KSR2: variants seen among roughly 807,000 people sequenced by gnomAD.
KSR2 encodes kinase suppressor of ras 2.
In KSR2, 25 loss-of-function variants were observed where a neutral mutation model predicts 107.8. That is an observed-to-expected ratio of 0.23 (90% CI 0.17 to 0.32). The LOEUF (loss-of-function observed/expected upper bound fraction) is 0.32, where lower values mean the gene tolerates loss of function less well. Ranked by LOEUF, KSR2 falls within the 10% of genes least tolerant of loss-of-function variation. The pLI is 1.00. For synonymous variants in KSR2, 480 were observed against 507.0 expected (o/e 0.95, Z 0.71); for missense variants, 887 against 1,268.9 (o/e 0.70, Z 4.57).
chr12:117,558,588 G>C lies in KSR2; in HGVS notation c.1326-15C>G. Reference sequence around the variant, plus strand: ...GGCACTTTAACCTGAGAAAGATAAAGAGAGAGAAAGATGGATAGGTGAATG... The same window carrying C: ...GGCACTTTAACCTGAGAAAGATAAACAGAGAGAAAGATGGATAGGTGAATG... On this transcript the variant is annotated splice_polypyrimidine_tract_variant and intron_variant, in intron 7 of 19. Coordinates refer to ENST00000339824, the MANE Select transcript of KSR2 (RefSeq NM_173598.6). 2 of 1,608,962 alleles carry C rather than the reference G, an allele frequency of 1.2e-6. No individual in the cohort carries two copies. Among genetic ancestry groups the C allele is most frequent in the Non-Finnish European group, 1.7e-6 (2 of 1,175,358 alleles).
At chr12:117,894,635 T>A (rs996524441) in intron 1 of KSR2, among the ~76,000 whole-genome samples, 1 of 151,994 alleles carries the variant, frequency 6.6e-6, no homozygotes, top group Non-Finnish European at 1.5e-5. Flanking sequence ...GGGAGCAGAC[T>A]TCCCCCTAGC....
intron 3 of KSR2, among the ~76,000 whole-genome samples, chr12:117,834,964 G>A (rs539611801): frequency 4.6e-5 from 7 of 152,320 alleles, no homozygotes; most frequent in African/African-American, 1.7e-4. Flanking sequence ...AAACCAGAGA[G>A]CCGTCTTCGA....
intron 3 of KSR2, among the ~76,000 whole-genome samples, chr12:117,840,740 C>T (rs948599632): frequency 8.5e-5 from 13 of 152,148 alleles, no homozygotes; most frequent in South Asian, 4.2e-4. Context: ...TGGTGGCTTA[C>T]GCCTATAATC....
At chr12:117,760,980 C>A (rs755653516) in intron 4 of KSR2, 31 bp downstream of exon 4, 1 of 1,611,632 alleles carries the variant, frequency 6.2e-7, no homozygotes, top group South Asian at 1.1e-5. Context: ...CGGGTTTCGA[C>A]CGCCCCAGGG....
At chr12:117,959,826 GA>G (rs1197386418) in intron 1 of KSR2, among the ~76,000 whole-genome samples, 1 of 151,958 alleles carries the variant, frequency 6.6e-6, no homozygotes, top group Non-Finnish European at 1.5e-5. Context: ...CGCTACTTGG[GA>G]GGCTGAAGTG....
intron 14 of KSR2, among the ~76,000 whole-genome samples, chr12:117,512,139 A>G (rs1874060371): frequency 6.6e-6 from 1 of 152,202 alleles, no homozygotes; most frequent in Admixed American, 6.5e-5. Flanking sequence ...TGAATAAAGG[A>G]AGTCTGCATG....
intron 6 of KSR2, among the ~76,000 whole-genome samples, 197 bp from the exon 7 acceptor site, chr12:117,579,399 TA>T (rs1879503964): frequency 6.6e-6 from 1 of 152,150 alleles, no homozygotes; most frequent in Non-Finnish European, 1.5e-5. Context: ...ATAATAACAG[TA>T]TTGACCTCAT....
At chr12:117,567,011 C>T (rs531878122) in intron 7 of KSR2, among the ~76,000 whole-genome samples, 2 of 151,378 alleles carry the variant, frequency 1.3e-5, no homozygotes, top group Non-Finnish European at 3.0e-5. Flanking sequence ...ATTTACTGAG[C>T]ATTTACCATG....
chr12:117,895,211 T>C (rs946881026), intron 1 of KSR2, among the ~76,000 whole-genome samples: 1 of 152,096 alleles, frequency 6.6e-6, no homozygotes, highest in East Asian at 1.9e-4. Context: ...CACTCCAGGT[T>C]GGGTGACAGC....
chr12:117,823,478 C>G (rs573614988), intron 3 of KSR2, among the ~76,000 whole-genome samples: 49 of 152,178 alleles, frequency 3.2e-4, no homozygotes, highest in African/African-American at 1.2e-3. Flanking sequence ...TCAGGAGGCT[C>G]CCAGAGTTCC....
chr12:117,880,858 C>T lies in KSR2; in HGVS notation c.181-20427G>A, dbSNP rs538037179. Among the ~76,000 whole-genome samples the T allele has an allele frequency of 2.1e-4, 32 of 151,802 alleles. 1 individual carries two copies. In the South Asian group the frequency reaches 5.6e-3, roughly 27 times the overall value. On this transcript the variant is annotated intron_variant, in intron 1 of 19. Coordinates refer to ENST00000339824, the MANE Select transcript of KSR2 (RefSeq NM_173598.6). ...AACTTTTTTGTATTTTTAGTAGAGA[C>T]GGGGATTCACCATGTTGGCCAGGCT...
chr12:117,525,070 C>G lies in KSR2; in HGVS notation c.2001G>C (p.Glu667Asp), dbSNP rs763424560. The G allele has an allele frequency of 8.1e-6, 13 of 1,613,880 alleles. No individual in the cohort carries two copies. Among genetic ancestry groups the G allele is most frequent in the Non-Finnish European group, 1.1e-5 (13 of 1,179,904 alleles). The change falls in exon 14 of 20, where the codon GAG (glutamate) becomes GAC (aspartate). Residue 667 changes from glutamate to aspartate, a missense_variant. Glu to Asp is a conservative substitution (Grantham distance 45). Around this residue, in one of 8 missense-constraint regions of KSR2, gnomAD observed 308 missense variants for 506.2 expected, o/e 0.61. Coordinates refer to ENST00000339824, the MANE Select transcript of KSR2 (RefSeq NM_173598.6). Reference sequence around the variant, plus strand: ...GGCCCTTTCCAATGAGCTCGCCGATCTCCAGCTGCTCAAAGGGGATGTCCC... The same window carrying G: ...GGCCCTTTCCAATGAGCTCGCCGATGTCCAGCTGCTCAAAGGGGATGTCCC... ...QEWDIPFEQL[E>D]IGELIGKGRF...
intron 4 of KSR2, among the ~76,000 whole-genome samples, chr12:117,733,983 A>T (rs1252636793): frequency 1.3e-5 from 2 of 152,172 alleles, no homozygotes; most frequent in African/African-American, 4.8e-5. Flanking sequence ...CTATTGATGA[A>T]TGTCAAGAGA....
intron 3 of KSR2, among the ~76,000 whole-genome samples, chr12:117,817,663 G>A (rs1469342696): frequency 6.6e-6 from 1 of 152,044 alleles, no homozygotes; most frequent in African/African-American, 2.4e-5. Flanking sequence ...CCCAATCCCT[G>A]TCCCCATATT....
In KSR2 at chr12:117,742,040, C is replaced by A. The variant is rs565632142; in HGVS notation, c.986+18971G>T. Among the ~76,000 whole-genome samples, 121 of 152,284 alleles carry A rather than the reference C, an allele frequency of 7.9e-4. 1 individual carries two copies. The highest frequency in any genetic ancestry group is 7.7e-3 in the South Asian group (37 of 4,824). ...TAGTATCACCAGTCATGGGTCAGAT[C>A]GACAGGTGTTCCCTGCTGTGATGCA... On this transcript the variant is annotated intron_variant, in intron 4 of 19. Coordinates refer to ENST00000339824, the MANE Select transcript of KSR2 (RefSeq NM_173598.6).
At chr12:117,710,161 A>G (rs1283931908) in intron 4 of KSR2, among the ~76,000 whole-genome samples, 4 of 152,090 alleles carry the variant, frequency 2.6e-5, no homozygotes, top group South Asian at 2.1e-4. Flanking sequence ...GAGCCCCGAC[A>G]GGTAATGATG....
intron 1 of KSR2, among the ~76,000 whole-genome samples, chr12:117,864,328 A>G (rs1547496): frequency 0.061 from 9,242 of 152,300 alleles, 961 homozygotes; most frequent in East Asian, 0.47. Context: ...GATGTGGGAT[A>G]GGAAAAGCTA....
chr12:117,684,898 G>A (rs139474567), intron 4 of KSR2, among the ~76,000 whole-genome samples: 1,751 of 152,228 alleles, frequency 0.012, 17 homozygotes, highest in Non-Finnish European at 0.018. Context: ...TAATTCTACC[G>A]TAAGAGTTGA....
chr12:117,645,868 CGTGTGTGTGTGTGTGTGTGT>C (rs58896782), intron 5 of KSR2, among the ~76,000 whole-genome samples: 3 of 142,064 alleles, frequency 2.1e-5, no homozygotes, highest in East Asian at 2.1e-4. Flanking sequence ...TGTGTATGTG[CGTGTGTGTGTGTGTGTGTGT>C]GTGTGTGTGT....
Sources: gnomAD v4.1 joint callset for allele counts (sites outside exome capture counted in the v4.1 genomes callset) on GRCh38, gnomAD v4.1.1 for gene constraint, gnomAD v4.1.1 regional missense constraint, MANE v1.5 for transcripts, NCBI Gene and HGNC (gene_info 2026-07-23, HGNC 2026-07-21) for gene names.